Variants in TXNL4A observed in about 807,000 individuals in gnomAD.
TXNL4A encodes thioredoxin like 4A.
In TXNL4A, 17 loss-of-function variants were observed where a neutral mutation model predicts 14.6. The ratio of observed to expected loss-of-function variants is 1.16; its 90% CI spans 0.80 to 1.74. The LOEUF (loss-of-function observed/expected upper bound fraction) is 1.74. Among genes scored for constraint, TXNL4A ranks in the 40% most tolerant of loss-of-function variants. The probability of loss-of-function intolerance (pLI) is 0.00; values close to 1 mark genes in which losing one functional copy is unlikely to be tolerated. For missense variants in TXNL4A, 74 were observed against 195.2 expected, an observed-to-expected ratio of 0.38 and a Z score of 3.70; for synonymous variants, 83 against 70.6, an observed-to-expected ratio of 1.18 and a Z score of -0.88.
intron 1 of TXNL4A, among the ~76,000 whole-genome samples, chr18:79,998,751 C>T (rs1479667228): frequency 2.0e-5 from 3 of 149,568 alleles, no homozygotes; most frequent in East Asian, 1.9e-4. Context: ...GTCTGTCAAC[C>T]GGTCAGCCTC....
chr18:79,989,399 C>T (rs952597554), upstream of TXNL4A, among the ~76,000 whole-genome samples: 1 of 152,048 alleles, frequency 6.6e-6, no homozygotes, highest in African/African-American at 2.4e-5. Context: ...AAGAAGCCAC[C>T]GCGCCCGACC....
chr18:80,028,003 C>T (rs1303532926), intron 1 of TXNL4A, among the ~76,000 whole-genome samples: 4 of 152,150 alleles, frequency 2.6e-5, no homozygotes, highest in Non-Finnish European at 4.4e-5. Flanking sequence ...AAACTGATCC[C>T]ATCTTGTGGA....
upstream of TXNL4A, among the ~76,000 whole-genome samples, chr18:79,992,456 C>T (rs529426867): frequency 5.5e-4 from 83 of 152,238 alleles, no homozygotes; most frequent in Non-Finnish European, 7.8e-4. Context: ...AACCATCACC[C>T]CCAGGCCCAG....
intron 1 of TXNL4A, among the ~76,000 whole-genome samples, chr18:79,998,075 C>CGAG (rs981435891): frequency 6.6e-6 from 1 of 152,012 alleles, no homozygotes; most frequent in Non-Finnish European, 1.5e-5. Context: ...GGGTGGATCA[C>CGAG]GAGGTCAGGA....
chr18:79,988,761 C>CG (rs2051599768), upstream of TXNL4A, among the ~76,000 whole-genome samples: 1 of 152,076 alleles, frequency 6.6e-6, no homozygotes, highest in South Asian at 2.1e-4. Context: ...AGCGTCCAGG[C>CG]GGCCTGGTGG....
At chr18:79,978,999 A>G (rs530360099) in intron 1 of TXNL4A, among the ~76,000 whole-genome samples, 44 of 150,826 alleles carry the variant, frequency 2.9e-4, no homozygotes, top group Non-Finnish European at 6.2e-4. Context: ...GTGCAGTTGC[A>G]TGATCTTGGC....
chr18:79,993,738 G>A lies in TXNL4A; in HGVS notation c.-60-16037C>T, dbSNP rs1007449534. On this transcript the variant is annotated intron_variant, in intron 1 of 2. Coordinates refer to the TXNL4A transcript ENST00000585474. This position sits in a 1 kb window ranked among gnomAD's most constrained non-coding sequence, Gnocchi z 4.4. Reference sequence around the variant, plus strand: ...AGCACTTTACTCCCCTCAGCCTTTCGGGGCATTCTTAGGCAACTGAGAATC... The same window carrying A: ...AGCACTTTACTCCCCTCAGCCTTTCAGGGCATTCTTAGGCAACTGAGAATC... 7.2e-5 allele frequency among the ~76,000 whole-genome samples: 11 copies of A among 152,104 alleles called. No individual in the cohort carries two copies. The highest frequency in any genetic ancestry group is 2.4e-4 in the African/African-American group (10 of 41,408).
intron 1 of TXNL4A, among the ~76,000 whole-genome samples, chr18:79,999,425 A>C (rs569948524): frequency 6.6e-6 from 1 of 151,406 alleles, no homozygotes; most frequent in Non-Finnish European, 1.5e-5. Context: ...AATCCCAGCT[A>C]CTTGGGAGGT....
At chr18:79,977,482 G>C (rs2051396296) in intron 2 of TXNL4A, 116 bp downstream of exon 2, 3 of 821,410 alleles carry the variant, frequency 3.7e-6, no homozygotes, top group Non-Finnish European at 6.0e-6. Flanking sequence ...AACGATTTTG[G>C]GACATGACTG....
intron 1 of TXNL4A, among the ~76,000 whole-genome samples, chr18:80,006,369 G>A (rs2051731140): frequency 7.3e-6 from 1 of 137,004 alleles, no homozygotes; most frequent in African/African-American, 2.6e-5. Flanking sequence ...GGGTGACAGA[G>A]TGAGACTCTG....
chr18:79,989,777 C>G (rs2051612487), upstream of TXNL4A, among the ~76,000 whole-genome samples: 1 of 152,014 alleles, frequency 6.6e-6, no homozygotes, highest in African/African-American at 2.4e-5. Flanking sequence ...GGCGGATCGC[C>G]TATGGTCGGG....
rs557522164 is a variant in TXNL4A at position 80,015,195 on chromosome 18, A to C, written c.-61+18656T>G. Among the ~76,000 whole-genome samples, 85 of 137,896 alleles carry C rather than the reference A, an allele frequency of 6.2e-4. 2 individuals carry two copies. The highest frequency in any genetic ancestry group is 5.1e-3 in the Admixed American group (74 of 14,382). The allele number at this position is 137,896 out of a possible 152,430, so 90.5% of individuals were successfully genotyped here. A position where few individuals can be genotyped will look rare whatever the true frequency, so the allele number is the denominator to read the frequency against. On this transcript the variant is annotated intron_variant, in intron 1 of 2. Transcript: ENST00000585474. ...CATTTTCCCCATTGTCTTGGGGACT[A>C]ACATTTGGCTCCTTGTTACTTATGC...
chr18:79,999,305 G>A (rs1178380319), intron 1 of TXNL4A, among the ~76,000 whole-genome samples: 4 of 152,108 alleles, frequency 2.6e-5, no homozygotes, highest in Non-Finnish European at 5.9e-5. Context: ...GGAGGCCGAG[G>A]CGGGCGGATC....
At chr18:79,994,963 A>C (rs1158345609) in intron 1 of TXNL4A, 1 of 152,246 alleles carries the variant, frequency 6.6e-6, no homozygotes, top group Admixed American at 6.5e-5. Context: ...TGGTATCGCC[A>C]GTGGCAGCCT....
chr18:79,986,785 A>G (rs996381633), intron 1 of TXNL4A: 2 of 985,254 alleles, frequency 2.0e-6, no homozygotes, highest in East Asian at 2.3e-4. Context: ...TCTAGAATTC[A>G]TAACTCAAAG....
intron 1 of TXNL4A, among the ~76,000 whole-genome samples, chr18:79,978,506 T>C (rs909206410): frequency 6.6e-6 from 1 of 152,210 alleles, no homozygotes; most frequent in Non-Finnish European, 1.5e-5. Context: ...TGCTATCTTT[T>C]TTCCAGAGAC....
chr18:79,991,617 G>A (rs531948853), upstream of TXNL4A, among the ~76,000 whole-genome samples: 5 of 152,232 alleles, frequency 3.3e-5, no homozygotes, highest in South Asian at 8.3e-4. Flanking sequence ...TCATGTACAA[G>A]CTTTTGTGTG....
intron 1 of TXNL4A, among the ~76,000 whole-genome samples, chr18:80,010,183 G>A (rs552911101): frequency 1.8e-4 from 27 of 152,308 alleles, no homozygotes; most frequent in East Asian, 1.7e-3. Context: ...AAGTTGGGGC[G>A]AAGGTTTAAT....
chr18:79,974,773 C>T (rs774604720), intron 2 of TXNL4A, among the ~76,000 whole-genome samples: 15 of 152,094 alleles, frequency 9.9e-5, no homozygotes, highest in African/African-American at 2.7e-4. Flanking sequence ...GCCACTGTGC[C>T]GGCCTGATTA....
Sources: allele counts gnomAD v4.1 joint callset (sites outside exome capture counted in the v4.1 genomes callset), GRCh38; gene constraint gnomAD v4.1.1; non-coding constraint Gnocchi (gnomAD v3.1); transcripts MANE v1.5; gene names NCBI Gene and HGNC (gene_info 2026-07-23, HGNC 2026-07-21).